The following TNFRSF21 variants were observed in gnomAD, a reference collection of about 807,000 sequenced individuals.
TNFRSF21 encodes tumor necrosis factor receptor superfamily member 21.
Under a neutral mutation model 45.6 loss-of-function variants are expected in TNFRSF21, and 19 were observed. The ratio of observed to expected loss-of-function variants is 0.42; its 90% CI spans 0.29 to 0.61. The LOEUF (loss-of-function observed/expected upper bound fraction) is 0.61, where lower values mean the gene tolerates loss of function less well. Among genes scored for constraint, TNFRSF21 ranks in the 20% least tolerant of loss-of-function variants. The pLI, the probability that TNFRSF21 is intolerant of heterozygous loss-of-function variation, is 0.23. For synonymous variants in TNFRSF21, 314 were observed against 335.5 expected (o/e 0.94, Z 0.70); for missense variants, 737 against 851.5 (o/e 0.87, Z 1.67).
chr6:47,288,528 C>A (rs980878685), intron 1 of TNFRSF21, among the ~76,000 whole-genome samples: 1 of 150,652 alleles, frequency 6.6e-6, no homozygotes, highest in African/African-American at 2.5e-5. Context: ...TTTTTAGTGT[C>A]TCTAAGTAAA....
chr6:47,275,721 TG>T (rs1436410053), intron 3 of TNFRSF21, among the ~76,000 whole-genome samples: 1 of 152,160 alleles, frequency 6.6e-6, no homozygotes, highest in Non-Finnish European at 1.5e-5. Flanking sequence ...CACATTCTCT[TG>T]GTTTTCCCCC....
chr6:47,301,917 C>T (rs1230907573), intron 1 of TNFRSF21, among the ~76,000 whole-genome samples: 1 of 152,092 alleles, frequency 6.6e-6, no homozygotes, highest in Non-Finnish European at 1.5e-5. Flanking sequence ...ATTCTGGGGA[C>T]CTGTTACCAT....
intron 1 of TNFRSF21, among the ~76,000 whole-genome samples, chr6:47,308,672 T>A (rs1762972351): frequency 6.6e-6 from 1 of 152,202 alleles, no homozygotes; most frequent in Admixed American, 6.5e-5. Flanking sequence ...TGTAGAAAAT[T>A]CATCTTCCTT....
Position 47,232,510 on chromosome 6 carries a change from A to C in TNFRSF21, c.*255T>G, listed in dbSNP as rs955862046. On this transcript the variant is annotated 3_prime_UTR_variant, in exon 6 of 6. Transcript: ENST00000296861. ...AAAAAACTTTAGTGGTGGGTATTTC[A>C]CAACAGTTACACCTGGCAAAGGCTT... 4.7e-6 allele frequency: 2 copies of C among 429,684 alleles called. No individual in the cohort carries two copies. The highest frequency in any genetic ancestry group is 8.2e-6 in the Non-Finnish European group (2 of 243,614). The allele number at this position is 429,684 out of a possible 1,614,324, so 26.6% of individuals were successfully genotyped here. A position where few individuals can be genotyped will look rare whatever the true frequency, so the allele number is the denominator to read the frequency against.
At chr6:47,242,434 G>C (rs1263427371) in intron 4 of TNFRSF21, among the ~76,000 whole-genome samples, 1 of 152,134 alleles carries the variant, frequency 6.6e-6, no homozygotes, top group Non-Finnish European at 1.5e-5. Context: ...TCATTTCTAA[G>C]AGTTAATTTC....
In TNFRSF21 at chr6:47,284,592, C is replaced by G. The variant is rs532901329; in HGVS notation, c.749-160G>C. On this transcript the variant is annotated intron_variant, in intron 2 of 5. Coordinates refer to ENST00000296861, the MANE Select transcript of TNFRSF21 (RefSeq NM_014452.5). ...TGTGTTGCACATTTTCATAAAGACC[C>G]TAATGGCACCTTCATGTGGAAGGCA... Among the ~76,000 whole-genome samples, 8 of 152,262 alleles carry G rather than the reference C, an allele frequency of 5.3e-5. No homozygotes were observed. The East Asian group carries it at 1.5e-3, about 29-fold the overall frequency.
chr6:47,304,207 C>CA (rs906785769), intron 1 of TNFRSF21, among the ~76,000 whole-genome samples: 4 of 147,526 alleles, frequency 2.7e-5, no homozygotes, highest in African/African-American at 1.0e-4. Context: ...AAAATAAGCA[C>CA]AAGGAAAAGT....
chr6:47,245,462 G>T (rs938321256), intron 4 of TNFRSF21, among the ~76,000 whole-genome samples: 12 of 149,862 alleles, frequency 8.0e-5, no homozygotes, highest in East Asian at 5.8e-4. Flanking sequence ...GTGTGTTTGT[G>T]TGTGTGTGTG....
intron 4 of TNFRSF21, among the ~76,000 whole-genome samples, chr6:47,243,262 CT>C (rs1764773317): frequency 6.6e-6 from 1 of 152,146 alleles, no homozygotes; most frequent in African/African-American, 2.4e-5. Context: ...TCACAATATA[CT>C]CTTCCAGAGA....
In TNFRSF21 at chr6:47,261,058, G is replaced by A. The variant is rs527893423; in HGVS notation, c.1244-7537C>T. Among the ~76,000 whole-genome samples the A allele has an allele frequency of 1.2e-4, 19 of 152,208 alleles. 1 individual carries two copies. The South Asian group carries it at 2.7e-3, about 22-fold the overall frequency. Reference sequence around the variant, plus strand: ...CTCCTGAGATGTACACATGGAAGACGGGAGACATGAACTCAAGACAGCCTC... The same window carrying A: ...CTCCTGAGATGTACACATGGAAGACAGGAGACATGAACTCAAGACAGCCTC... On this transcript the variant is annotated intron_variant, in intron 3 of 5. Transcript: ENST00000296861.
intron 4 of TNFRSF21, among the ~76,000 whole-genome samples, chr6:47,249,690 T>C (rs1764872739): frequency 6.6e-6 from 1 of 152,204 alleles, no homozygotes; most frequent in Admixed American, 6.5e-5. Flanking sequence ...ACATTAAAAT[T>C]CATGAAAACA....
intron 3 of TNFRSF21, among the ~76,000 whole-genome samples, chr6:47,264,603 C>T (rs1372044688): frequency 6.6e-6 from 1 of 152,218 alleles, no homozygotes; most frequent in South Asian, 2.1e-4. Flanking sequence ...ATCACAGTCT[C>T]TGACTCCCAA....
chr6:47,232,622 TAA>T lies in TNFRSF21; in HGVS notation c.*141_*142del, dbSNP rs1491394928. The T allele has an allele frequency of 7.4e-6, 4 of 542,830 alleles. No homozygotes were observed. The highest frequency in any genetic ancestry group is 8.8e-6 in the Non-Finnish European group (3 of 339,068). 33.6% of individuals were successfully genotyped at this position (542,830 alleles called of 1,614,324 possible). A position where few individuals can be genotyped will look rare whatever the true frequency, so the allele number is the denominator to read the frequency against. On this transcript the variant is annotated 3_prime_UTR_variant, in exon 6 of 6. Coordinates refer to ENST00000296861, the MANE Select transcript of TNFRSF21 (RefSeq NM_014452.5). ...CTCAAGCACTGGCCATATTCTCTGT[TAA>T]ACACACACACACACACACACACACA...
rs1336030262 is a variant in TNFRSF21 at position 47,284,225 on chromosome 6, G to C, written c.956C>G (p.Thr319Ser). Residue 319 changes from threonine to serine, a missense_variant, in exon 3 of 6, where the codon ACT (threonine) becomes AGT (serine). Physicochemically the swap from Thr to Ser is moderately conservative, Grantham distance 58. Transcript: ENST00000296861. ...ILKLLPSMEATGGEKSSTPIK... is the reference protein window; with the variant it reads ...ILKLLPSMEASGGEKSSTPIK... ...GGGCGTGCTGGACTTCTCGCCCCCA[G>C]TGGCCTCCATGGACGGCAGCAGCTT... 6.2e-7 allele frequency: 1 copy of C among 1,614,068 alleles called. No homozygotes were observed. Among genetic ancestry groups the C allele is most frequent in the Non-Finnish European group, 8.5e-7 (1 of 1,179,974 alleles).
At chr6:47,282,334 A>G (rs1582347362) in intron 3 of TNFRSF21, among the ~76,000 whole-genome samples, 1 of 150,428 alleles carries the variant, frequency 6.6e-6, no homozygotes, top group East Asian at 2.0e-4. Context: ...TGGTGAGCTG[A>G]GATCACACCA....
chr6:47,243,533 T>G (rs563594059), intron 4 of TNFRSF21, among the ~76,000 whole-genome samples: 5 of 152,154 alleles, frequency 3.3e-5, no homozygotes, highest in Admixed American at 6.5e-5. Context: ...TTTTCGTGCC[T>G]TAGCCTCCTG....
chr6:47,305,416 T>A (rs1473480030), intron 1 of TNFRSF21, among the ~76,000 whole-genome samples: 1 of 152,322 alleles, frequency 6.6e-6, no homozygotes, highest in East Asian at 1.9e-4. Flanking sequence ...CTTCCAGCTT[T>A]CACATTCTAG....
At chr6:47,248,129 A>G (rs1437089448) in intron 4 of TNFRSF21, among the ~76,000 whole-genome samples, 1 of 152,330 alleles carries the variant, frequency 6.6e-6, no homozygotes, top group East Asian at 1.9e-4. Flanking sequence ...TTAAGTATCT[A>G]TAAAATTTCT....
chr6:47,232,610 C>A lies in TNFRSF21; in HGVS notation c.*155G>T. 1.7e-6 allele frequency: 1 copy of A among 595,378 alleles called. No individual in the cohort carries two copies. The highest frequency in any genetic ancestry group is 2.8e-6 in the Non-Finnish European group (1 of 352,060). 36.9% of individuals were successfully genotyped at this position (595,378 alleles called of 1,614,324 possible). A position where few individuals can be genotyped will look rare whatever the true frequency, so the allele number is the denominator to read the frequency against. The stretch of plus-strand genomic sequence containing the variant: ...AAGGAGAAAGAACTCAAGCACTGGC[C>A]ATATTCTCTGTTAAACACACACACA... On this transcript the variant is annotated 3_prime_UTR_variant, in exon 6 of 6. Transcript: ENST00000296861.
Sources: allele counts gnomAD v4.1 joint callset (sites outside exome capture counted in the v4.1 genomes callset), GRCh38; gene constraint gnomAD v4.1.1; transcripts MANE v1.5; gene names NCBI Gene and HGNC (gene_info 2026-07-23, HGNC 2026-07-21).